ROBO3: variants seen among roughly 807,000 people sequenced by gnomAD.
ROBO3 encodes roundabout guidance receptor 3, also known as roundabout homolog 3.
A neutral mutation model predicts 160.5 loss-of-function variants in ROBO3; 97 were observed. The ratio of observed to expected loss-of-function variants is 0.60; its 90% CI spans 0.51 to 0.72. The LOEUF (loss-of-function observed/expected upper bound fraction) is 0.72, where lower values mean the gene tolerates loss of function less well. Ranked by LOEUF, ROBO3 falls within the 30% of genes least tolerant of loss-of-function variation. The probability of loss-of-function intolerance (pLI) is 0.00; values close to 1 mark genes in which losing one functional copy is unlikely to be tolerated. For missense variants in ROBO3, 1,858 were observed against 1,846.5 expected, an observed-to-expected ratio of 1.01 and a Z score of -0.11; for synonymous variants, 780 against 746.2, an observed-to-expected ratio of 1.05 and a Z score of -0.74.
rs765123414 is a variant in ROBO3 at position 124,872,975 on chromosome 11, G to A, written c.1422G>A (p.Val474=). The A allele has an allele frequency of 1.9e-6, 3 of 1,613,648 alleles. No homozygotes were observed. The South Asian group carries it at 3.3e-5, about 18-fold the overall frequency. The change falls in exon 9 of 28, where the codon GTG becomes GTA. Residue 474 remains valine (V), a synonymous_variant. Transcript: ENST00000397801. The surrounding 1 kb of genome is among the most constrained non-coding windows in gnomAD (Gnocchi z 4.3). ...LGSSVWLPCR[V]TGNPQPSVRW... is the part of the protein sequence containing the mutation. ...CCTCCGTGTGGCTGCCCTGCAGAGT[G>A]ACTGGGAACCCTCAACCCAGTGTCC...
chr11:124,865,767 TC>T lies in ROBO3; in HGVS notation c.160+32del, dbSNP rs765505139. On this transcript the variant is annotated intron_variant, in intron 1 of 27. Transcript: ENST00000397801. The surrounding 1 kb of genome is among the most constrained non-coding windows in gnomAD (Gnocchi z 5.5). ...GACCCTGCCTCTTGGGGATATGGGA[TC>T]CTGGGATGGGGATGAGGTGAGAGGG... 1.3e-6 allele frequency: 2 copies of T among 1,580,464 alleles called. No homozygotes were observed. Among genetic ancestry groups the T allele is most frequent in the Non-Finnish European group, 1.7e-6 (2 of 1,163,886 alleles).
chr11:124,875,618 G>A lies in ROBO3; in HGVS notation c.2354G>A (p.Ser785Asn). 1 of 1,611,814 alleles carries A rather than the reference G, an allele frequency of 6.2e-7. No homozygotes were observed. The highest frequency in any genetic ancestry group is 1.1e-5 in the South Asian group (1 of 90,790). ...VAVALGGDGN[S>N]SITVSWEPPL... ...GTGGCCTTGGGGGGTGATGGCAACA[G>A]CAGTATCACTGTGTCCTGGGAACCT... The change falls in exon 15 of 28, where the codon AGC becomes AAC. Residue 785 changes from serine to asparagine, a missense_variant. Physicochemically the swap from Ser to Asn is conservative, Grantham distance 46 (BLOSUM62 1). Transcript: ENST00000397801.
intron 6 of ROBO3, 87 bp downstream of exon 6, chr11:124,870,815 C>A: frequency 6.4e-7 from 1 of 1,556,862 alleles, no homozygotes; most frequent in Admixed American, 1.9e-5. Flanking sequence ...GGAGAAAGGG[C>A]AGAGAAGGGC....
In ROBO3 at chr11:124,874,168, T is replaced by A; in HGVS notation, c.1883T>A (p.Leu628Gln). 6.2e-7 allele frequency: 1 copy of A among 1,613,996 alleles called. No individual in the cohort carries two copies. The highest frequency in any genetic ancestry group is 8.5e-7 in the Non-Finnish European group (1 of 1,179,888). Reference protein sequence around the residue: ...GLQPNTIYLFLVRAVGAWGLS... With the variant: ...GLQPNTIYLFQVRAVGAWGLS... ...CAGCCCAATACCATCTACCTGTTTCTGGTTCGAGCAGTGGGAGCCTGGGGC... is the reference window on the plus strand; with the variant it reads ...CAGCCCAATACCATCTACCTGTTTCAGGTTCGAGCAGTGGGAGCCTGGGGC... The change falls in exon 12 of 28, where the codon CTG (leucine) becomes CAG (glutamine). Residue 628 changes from leucine to glutamine, a missense_variant. Transcript: ENST00000397801.
intron 23 of ROBO3, 127 bp from the exon 24 acceptor site, chr11:124,879,063 G>A (rs1050598152): frequency 5.0e-5 from 57 of 1,133,498 alleles, no homozygotes; most frequent in Non-Finnish European, 6.9e-5. Context: ...TAGCTTGGGA[G>A]GACTTACGGG....
Position 124,865,833 on chromosome 11 carries a change from C to A in ROBO3, c.160+96C>A. On this transcript the variant is annotated intron_variant, in intron 1 of 27. Coordinates refer to ENST00000397801, the MANE Select transcript of ROBO3 (RefSeq NM_022370.4). The surrounding 1 kb of genome is among the most constrained non-coding windows in gnomAD (Gnocchi z 5.5). ...AGGAGAAGCGCTCCTGTCCCGAGGT[C>A]CGGGATTGAGTGGCGCCTCCCAGCG... 1 of 1,369,698 alleles carries A rather than the reference C, an allele frequency of 7.3e-7. No individual in the cohort carries two copies. Among genetic ancestry groups the A allele is most frequent in the Non-Finnish European group, 9.8e-7 (1 of 1,024,220 alleles). 84.8% of individuals were successfully genotyped at this position (1,369,698 alleles called of 1,614,324 possible).
Position 124,870,322 on chromosome 11 carries a change from C to T in ROBO3, c.905+19C>T, listed in dbSNP as rs780363310. On this transcript the variant is annotated intron_variant, in intron 5 of 27. Coordinates refer to ENST00000397801, the MANE Select transcript of ROBO3 (RefSeq NM_022370.4). ...CAGGCAGGTGAGAGACCCCCTTCTG[C>T]CTGTAGGAAGACCCAACCTGATCAA... 18 of 1,608,822 alleles carry T rather than the reference C, an allele frequency of 1.1e-5. No individual in the cohort carries two copies. Among genetic ancestry groups the T allele is most frequent in the Middle Eastern group, 3.3e-4 (2 of 5,990 alleles).
At chr11:124,880,642 G>C (rs1433455626) in intron 27 of ROBO3, 34 bp downstream of exon 27, 1 of 1,493,554 alleles carries the variant, frequency 6.7e-7, no homozygotes, top group African/African-American at 1.4e-5. Context: ...AATGAGGGCA[G>C]AGGACTAGGG....
chr11:124,877,813 G>C, intron 20 of ROBO3, 124 bp from the exon 21 acceptor site: 1 of 1,185,184 alleles, frequency 8.4e-7, no homozygotes, highest in Non-Finnish European at 1.2e-6. Flanking sequence ...CCTCCACCCT[G>C]GTTTAGGATG....
chr11:124,875,343 A>C lies in ROBO3; in HGVS notation c.2299+7A>C, dbSNP rs367767029. On this transcript the variant is annotated splice_region_variant and intron_variant, in intron 14 of 27. Transcript: ENST00000397801. ...AGGAGCATTCCTGAGGAGGGTAAGGAGGGCCACCGAACAGATGGATGGACA... is the reference window on the plus strand; with the variant it reads ...AGGAGCATTCCTGAGGAGGGTAAGGCGGGCCACCGAACAGATGGATGGACA... 2.2e-4 allele frequency: 298 copies of C among 1,329,636 alleles called. No individual in the cohort carries two copies. In the Middle Eastern group the frequency reaches 3.6e-3, roughly 16 times the overall value. 82.4% of individuals were successfully genotyped at this position (1,329,636 alleles called of 1,614,324 possible).
rs1236420402 is a variant in ROBO3, at chr11:124,869,070, C to G, written c.429C>G (p.Cys143Trp). 2 of 1,598,376 alleles carry G rather than the reference C, an allele frequency of 1.3e-6. No individual in the cohort carries two copies. Among genetic ancestry groups the G allele is most frequent in the East Asian group, 2.3e-5 (1 of 44,362 alleles). Residue 143 changes from cysteine to tryptophan, a missense_variant, in exon 2 of 28, where the codon TGC (cysteine) becomes TGG (tryptophan). By Grantham distance (215) the Cys-to-Trp change is radical (BLOSUM62 -2). Coordinates refer to ENST00000397801, the MANE Select transcript of ROBO3 (RefSeq NM_022370.4). This position sits in a 1 kb window ranked among gnomAD's most constrained non-coding sequence, Gnocchi z 4.2. ...GGCCGGACGAAGGTGTCTACACTTG[C>G]GTGGCTCGCAACTACCTGGGGGCAG... ...RARPDEGVYT[C>W]VARNYLGAAA...
In ROBO3 at chr11:124,881,232, T is replaced by C. The variant is rs1262003256; in HGVS notation, c.4150-7T>C. The C allele has an allele frequency of 1.2e-6, 2 of 1,605,334 alleles. No homozygotes were observed. Among genetic ancestry groups the C allele is most frequent in the African/African-American group, 1.3e-5 (1 of 74,862 alleles). The stretch of plus-strand genomic sequence containing the variant: ...TTACAAAACAGCATCTCTCTCTCTC[T>C]CCCTAGGAACCAAGATGACCCTTGT... On this transcript the variant is annotated splice_polypyrimidine_tract_variant and splice_region_variant and intron_variant, in intron 27 of 27. Transcript: ENST00000397801.
In ROBO3 at chr11:124,870,005, G is replaced by A. The variant is rs768901856; in HGVS notation, c.703G>A (p.Val235Met). 2.5e-6 allele frequency: 4 copies of A among 1,614,012 alleles called. No homozygotes were observed. Among genetic ancestry groups the A allele is most frequent in the Non-Finnish European group, 3.4e-6 (4 of 1,179,886 alleles). ...ACTCAAGAGCGATGCAGGCATGTAT[G>A]TGTGCGTAGCCTCCAACATGGCGGG... ...HTLKSDAGMYVCVASNMAGER... is the reference protein window; with the variant it reads ...HTLKSDAGMYMCVASNMAGER... Residue 235 changes from valine (V) to methionine (M), a missense_variant, in exon 4 of 28, where the codon GTG (valine) becomes ATG (methionine). Transcript: ENST00000397801.
chr11:124,870,094 T>G (rs1946260393), intron 4 of ROBO3, 26 bp downstream of exon 4: 1 of 1,613,922 alleles, frequency 6.2e-7, no homozygotes, highest in Non-Finnish European at 8.5e-7. Flanking sequence ...TTTGACATTA[T>G]GGGAACAGGT....
rs1039407673 is a variant in ROBO3 at position 124,869,821 on chromosome 11, G to T, written c.646-127G>T. The T allele has an allele frequency of 1.4e-5, 19 of 1,384,472 alleles. No homozygotes were observed. The highest frequency in any genetic ancestry group is 4.7e-4 in the Middle Eastern group (2 of 4,290). 85.8% of individuals were successfully genotyped at this position (1,384,472 alleles called of 1,614,324 possible). A position where few individuals can be genotyped will look rare whatever the true frequency, so the allele number is the denominator to read the frequency against. ...TTTGATATGTGGGTCAACTTCCTTG[G>T]TCTCCTTTATCAGCTTGCTGTGAGG... On this transcript the variant is annotated intron_variant, in intron 3 of 27. Transcript: ENST00000397801. The surrounding 1 kb of genome is among the most constrained non-coding windows in gnomAD (Gnocchi z 4.2).
At chr11:124,879,108 A>G in intron 23 of ROBO3, 82 bp from the exon 24 acceptor site, 2 of 1,438,350 alleles carry the variant, frequency 1.4e-6, no homozygotes, top group Non-Finnish European at 1.9e-6. Flanking sequence ...TGTTAGGTTG[A>G]TTGTCTAGCA....
intron 17 of ROBO3, 51 bp from the exon 18 acceptor site, chr11:124,877,109 AC>A: frequency 6.3e-7 from 1 of 1,598,616 alleles, no homozygotes; most frequent in Non-Finnish European, 8.6e-7. Flanking sequence ...GGTATTTCTG[AC>A]CCTTCTCCTC....
chr11:124,867,446 C>T (rs1310209645), intron 1 of ROBO3, among the ~76,000 whole-genome samples: 2 of 152,188 alleles, frequency 1.3e-5, no homozygotes, highest in African/African-American at 4.8e-5. Context: ...CTGGTTGGTT[C>T]AACAGCAACA....
chr11:124,865,560 T>C lies in ROBO3; in HGVS notation c.-18T>C. 1 of 1,609,182 alleles carries C rather than the reference T, an allele frequency of 6.2e-7. No homozygotes were observed. Among genetic ancestry groups the C allele is most frequent in the South Asian group, 1.1e-5 (1 of 90,416 alleles). ...CTGGGCCCCCAGCCCCCAGTCCCGA[T>C]CCCAGCTGGGTCGAGCCATGCTGCG... On this transcript the variant is annotated 5_prime_UTR_variant, in exon 1 of 28. Coordinates refer to ENST00000397801, the MANE Select transcript of ROBO3 (RefSeq NM_022370.4). This position sits in a 1 kb window ranked among gnomAD's most constrained non-coding sequence, Gnocchi z 5.5.
Sources: allele counts gnomAD v4.1 joint callset (sites outside exome capture counted in the v4.1 genomes callset), GRCh38; gene constraint gnomAD v4.1.1; non-coding constraint Gnocchi (gnomAD v3.1); transcripts MANE v1.5; gene names NCBI Gene and HGNC (gene_info 2026-07-23, HGNC 2026-07-21).